CASK: variants seen among roughly 807,000 people sequenced by gnomAD.
CASK encodes calcium/calmodulin dependent serine protein kinase.
A neutral mutation model predicts 82.9 loss-of-function variants in CASK; 4 were observed. That is an observed-to-expected ratio of 0.05 (90% confidence interval 0.02 to 0.11). The LOEUF (loss-of-function observed/expected upper bound fraction) is 0.11. CASK is among the 10% of genes least tolerant of loss of function. The probability of loss-of-function intolerance (pLI) is 1.00; values close to 1 mark genes in which losing one functional copy is unlikely to be tolerated. For missense variants in CASK, 358 were observed against 720.9 expected, an observed-to-expected ratio of 0.50 and a Z score of 5.76; for synonymous variants, 259 against 253.5, an observed-to-expected ratio of 1.02 and a Z score of -0.20.
intron 25 of CASK, among the ~76,000 whole-genome samples, chrX:41,526,713 C>T (rs1447252044): frequency 9.0e-6 from 1 of 111,710 alleles, no homozygotes; most frequent in Non-Finnish European, 1.9e-5. Context: ...AAGTTCAGAG[C>T]CAAATTTAAT....
intron 8 of CASK, among the ~76,000 whole-genome samples, chrX:41,659,150 G>A (rs2066989517): frequency 9.0e-6 from 1 of 111,545 alleles, no homozygotes; most frequent in African/African-American, 3.3e-5. Context: ...ATAGGATCTA[G>A]TGCAAAATCA....
intron 12 of CASK, among the ~76,000 whole-genome samples, chrX:41,598,608 C>A (rs2065856003): frequency 9.0e-6 from 1 of 111,548 alleles, no homozygotes; most frequent in Non-Finnish European, 1.9e-5. Context: ...GTGATCCACC[C>A]ACCTCGGCCT....
intron 26 of CASK, 46 bp from the exon 27 acceptor site, chrX:41,520,642 A>C: frequency 9.8e-7 from 1 of 1,015,532 alleles, no homozygotes. Flanking sequence ...GAGAGGAGGG[A>C]AAAGCAAACA....
chrX:41,768,902 AG>A (rs1215109859), intron 3 of CASK, among the ~76,000 whole-genome samples: 1 of 112,421 alleles, frequency 8.9e-6, no homozygotes, highest in African/African-American at 3.2e-5. Flanking sequence ...TAGATGCAAA[AG>A]AAATGGGTAA....
intron 13 of CASK, 159 bp from the exon 14 acceptor site, chrX:41,587,146 A>G (rs1321058848): frequency 2.4e-6 from 1 of 423,898 alleles, no homozygotes; most frequent in Non-Finnish European, 4.1e-6. Flanking sequence ...AATACATAGA[A>G]GAACAGTATT....
chrX:41,654,972 TG>T (rs1458637973), intron 8 of CASK, among the ~76,000 whole-genome samples: 2 of 109,001 alleles, frequency 1.8e-5, no homozygotes, highest in Non-Finnish European at 3.8e-5. Flanking sequence ...AACCTGCTGT[TG>T]GGGACTCAAC....
chrX:41,777,747 A>AT (rs2069392739), intron 3 of CASK, among the ~76,000 whole-genome samples: 1 of 111,263 alleles, frequency 9.0e-6, no homozygotes, highest in East Asian at 2.8e-4. Flanking sequence ...TAAGTTGTAT[A>AT]TTTATGTGAA....
intron 3 of CASK, among the ~76,000 whole-genome samples, chrX:41,752,724 G>A (rs2068820082): frequency 8.9e-6 from 1 of 111,942 alleles, no homozygotes. Context: ...AGGAGGAGGG[G>A]CATAGGTCCA....
chrX:41,718,639 C>T (rs2068105705), intron 5 of CASK, among the ~76,000 whole-genome samples: 1 of 112,316 alleles, frequency 8.9e-6, no homozygotes, highest in Admixed American at 9.4e-5. Flanking sequence ...ATAGAAAAAG[C>T]ACTTTGGGTT....
intron 2 of CASK, among the ~76,000 whole-genome samples, chrX:41,813,574 C>T (rs941324874): frequency 9.9e-5 from 11 of 111,439 alleles, no homozygotes; most frequent in Admixed American, 1.9e-4. Flanking sequence ...TTCCTTACAC[C>T]TTATATAAAA....
chrX:41,701,182 A>C (rs2067786803), intron 5 of CASK, among the ~76,000 whole-genome samples: 1 of 111,206 alleles, frequency 9.0e-6, no homozygotes, highest in African/African-American at 3.3e-5. Context: ...ATCATACCCC[A>C]AAATTTATAA....
intron 21 of CASK, among the ~76,000 whole-genome samples, chrX:41,545,830 C>G (rs985010433): frequency 9.1e-6 from 1 of 109,642 alleles, no homozygotes; most frequent in Non-Finnish European, 1.9e-5. Flanking sequence ...ATTCCCCCCC[C>G]ACCCCCGCCG....
chrX:41,725,303 C>G (rs935654690), intron 5 of CASK, among the ~76,000 whole-genome samples: 1 of 110,948 alleles, frequency 9.0e-6, no homozygotes, highest in African/African-American at 3.3e-5. Flanking sequence ...TGAAAAAAAA[C>G]CCCAATTTCT....
intron 18 of CASK, chrX:41,558,288 T>A (rs1359532393): frequency 9.1e-6 from 1 of 109,586 alleles, no homozygotes; most frequent in Non-Finnish European, 1.9e-5. Flanking sequence ...AGTATCATTA[T>A]TTTTTCTACT....
chrX:41,846,075 T>C (rs1174053513), intron 2 of CASK, among the ~76,000 whole-genome samples: 1 of 111,693 alleles, frequency 9.0e-6, no homozygotes, highest in Non-Finnish European at 1.9e-5. Context: ...CTCCTAGGTA[T>C]ATACCCAAAA....
intron 1 of CASK, among the ~76,000 whole-genome samples, chrX:41,917,094 T>C (rs991312234): frequency 2.9e-4 from 33 of 112,481 alleles, no homozygotes; most frequent in Admixed American, 2.8e-4. Flanking sequence ...ATTTGCAGTA[T>C]AGAAACTCTG....
intron 2 of CASK, among the ~76,000 whole-genome samples, chrX:41,838,438 T>C (rs753095427): frequency 7.1e-5 from 8 of 112,220 alleles, no homozygotes; most frequent in Non-Finnish European, 1.5e-4. Flanking sequence ...GTCCTAATGA[T>C]ATTAGGGTAC....
rs898601490 is a variant in CASK at position 41,664,211 on chromosome X, T to A, written c.708+1066A>T. On this transcript the variant is annotated intron_variant, in intron 7 of 26. Transcript: ENST00000378163. ...TGAGGTAAATAAACCAACAAAAGTA[T>A]ATACCATTCTCATCTCCATAAACTT... Among the ~76,000 whole-genome samples the A allele has an allele frequency of 3.6e-5, 4 of 112,255 alleles. No individual in the cohort carries two copies. In the Admixed American group the frequency reaches 3.8e-4, roughly 11 times the overall value.
intron 24 of CASK, among the ~76,000 whole-genome samples, chrX:41,533,512 G>C (rs2064834291): frequency 8.9e-6 from 1 of 112,488 alleles, no homozygotes; most frequent in Non-Finnish European, 1.9e-5. Context: ...ACAGATAACT[G>C]TAAGTGGTAT....
Sources: gnomAD v4.1 joint callset for allele counts (sites outside exome capture counted in the v4.1 genomes callset) on GRCh38, gnomAD v4.1.1 for gene constraint, MANE v1.5 for transcripts, NCBI Gene and HGNC (gene_info 2026-07-23, HGNC 2026-07-21) for gene names.